Variants in RNPEP observed in about 807,000 individuals in gnomAD.
The protein encoded by RNPEP is aminopeptidase B.
In RNPEP, 57 loss-of-function variants were observed where a neutral mutation model predicts 70.1. The observed-to-expected ratio is 0.81, with a 90% CI of 0.66 to 1.01. The LOEUF is 1.01. Ranked by LOEUF, RNPEP falls within the 50% of genes least tolerant of loss-of-function variation. RNPEP has a pLI of 0.00. For synonymous variants in RNPEP, 335 were observed against 357.4 expected (o/e 0.94, Z 0.71); for missense variants, 787 against 852.4 (o/e 0.92, Z 0.96).
In RNPEP at chr1:202,005,594, A is replaced by G; in HGVS notation, c.1831A>G (p.Met611Val). 6.2e-7 allele frequency: 1 copy of G among 1,614,204 alleles called. No individual in the cohort carries two copies. ...QKYTLPLYHA[M>V]MGGSEVAQTL... ...GTATACACTTCCGCTGTACCACGCA[A>G]TGATGGGTGGCAGTGAGGTGGCCCA... Residue 611 changes from methionine (M) to valine (V), a missense_variant, in exon 11 of 11, where the codon ATG becomes GTG. Physicochemically the swap from Met to Val is conservative, Grantham distance 21. Transcript: ENST00000295640.
At chr1:202,001,950 C>G (rs1558267795) in intron 8 of RNPEP, among the ~76,000 whole-genome samples, 183 bp downstream of exon 8, 1 of 152,050 alleles carries the variant, frequency 6.6e-6, no homozygotes, top group Non-Finnish European at 1.5e-5. Flanking sequence ...TTTCACTCCT[C>G]TCTGCCTCAT....
intron 3 of RNPEP, among the ~76,000 whole-genome samples, chr1:201,990,070 C>G (rs969574786): frequency 3.9e-5 from 6 of 152,218 alleles, no homozygotes; most frequent in Non-Finnish European, 5.9e-5. Flanking sequence ...CTCTTGAACT[C>G]CTGACCTCAG....
chr1:202,001,809 G>C, intron 8 of RNPEP, 42 bp downstream of exon 8: 1 of 1,209,208 alleles, frequency 8.3e-7, no homozygotes, highest in South Asian at 1.2e-5. Flanking sequence ...AAAAATAGTA[G>C]AGAATGAGAT....
At chr1:201,996,465 TTG>T (rs71281164) in intron 4 of RNPEP, 24,190 of 232,212 alleles carry the variant, frequency 0.1, 1,001 homozygotes, top group Admixed American at 0.19. Flanking sequence ...ATGAGGTTCT[TTG>T]TGTGTGTGTG....
intron 3 of RNPEP, among the ~76,000 whole-genome samples, chr1:201,990,520 G>A (rs1238886578): frequency 1.3e-5 from 2 of 152,190 alleles, no homozygotes; most frequent in African/African-American, 4.8e-5. Flanking sequence ...CGGTGAAGCC[G>A]TGACCTTTTC....
chr1:201,983,142 C>G (rs1205313245), intron 1 of RNPEP, 29 bp downstream of exon 1: 4 of 1,437,152 alleles, frequency 2.8e-6, no homozygotes, highest in Non-Finnish European at 3.6e-6. Context: ...GCGCCCGCCG[C>G]TGCCTGCCTG....
chr1:202,004,648 A>C (rs1315943756), intron 10 of RNPEP, 152 bp downstream of exon 10: 1 of 934,362 alleles, frequency 1.1e-6, no homozygotes, highest in African/African-American at 1.7e-5. Flanking sequence ...CAGCCTCTTT[A>C]CTAGTGTGGC....
chr1:201,998,230 CTTTTTT>C (rs34549362), intron 5 of RNPEP, among the ~76,000 whole-genome samples: 4 of 116,670 alleles, frequency 3.4e-5, no homozygotes, highest in Non-Finnish European at 3.4e-5. Flanking sequence ...TGGGTCTGAA[CTTTTTT>C]TTTTTTTTTT....
intron 1 of RNPEP, among the ~76,000 whole-genome samples, chr1:201,987,494 G>A (rs938259062): frequency 1.4e-5 from 2 of 143,186 alleles, no homozygotes; most frequent in Admixed American, 7.4e-5. Context: ...CTGGAGTGCA[G>A]TGGCATGATC....
intron 4 of RNPEP, 32 bp downstream of exon 4, chr1:201,996,295 G>A (rs1683549033): frequency 7.2e-7 from 1 of 1,387,726 alleles, no homozygotes; most frequent in Non-Finnish European, 1.0e-6. Flanking sequence ...AGTGTCTCCT[G>A]TTAAACTGAG....
rs1332135708 is a variant in RNPEP, at chr1:201,989,482, C to G, written c.688C>G (p.Leu230Val). 3 of 1,614,110 alleles carry G rather than the reference C, an allele frequency of 1.9e-6. No individual in the cohort carries two copies. Among genetic ancestry groups the G allele is most frequent in the Non-Finnish European group, 8.5e-7 (1 of 1,180,044 alleles). Residue 230 changes from leucine (L) to valine (V), a missense_variant, in exon 3 of 11, where the codon CTG (leucine) becomes GTG (valine). Leu to Val is a conservative substitution (Grantham distance 32). Coordinates refer to ENST00000295640, the MANE Select transcript of RNPEP (RefSeq NM_020216.4). ...GATGTGTCAGCCCATCCCCTCCTAT[C>G]TGATAGCTTTGGCCATCGGAGATCT... ...FQMCQPIPSY[L>V]IALAIGDLVS...
Position 202,003,353 on chromosome 1 carries a change from G to A in RNPEP, c.1543G>A (p.Glu515Lys), listed in dbSNP as rs371058454. ...AEELAQLWAA[E>K]ELDMKAIEAV... ...AGAGCTAGCCCAACTGTGGGCAGCC[G>A]AGGAGCTGGACATGAAGGCCATTGA... The change falls in exon 9 of 11, where the codon GAG becomes AAG. Residue 515 changes from glutamate to lysine, a missense_variant. Coordinates refer to ENST00000295640, the MANE Select transcript of RNPEP (RefSeq NM_020216.4). 1.9e-5 allele frequency: 31 copies of A among 1,614,108 alleles called. No homozygotes were observed. The highest frequency in any genetic ancestry group is 1.6e-4 in the South Asian group (15 of 91,080).
chr1:202,004,546 G>A (rs372892602), intron 10 of RNPEP, 50 bp downstream of exon 10: 2 of 1,601,408 alleles, frequency 1.2e-6, no homozygotes, highest in South Asian at 1.1e-5. Context: ...GGACCCACTC[G>A]GCCATATGTG....
intron 9 of RNPEP, among the ~76,000 whole-genome samples, chr1:202,004,076 G>A (rs1414681310): frequency 2.6e-5 from 4 of 152,186 alleles, no homozygotes; most frequent in African/African-American, 9.7e-5. Flanking sequence ...CTGGAGTGCC[G>A]TGGTGCTATT....
chr1:202,006,029 T>C lies in RNPEP; in HGVS notation c.*313T>C, dbSNP rs985995887. 9 of 280,256 alleles carry C rather than the reference T, an allele frequency of 3.2e-5. No homozygotes were observed. The highest frequency in any genetic ancestry group is 5.3e-5 in the Non-Finnish European group (8 of 150,662). The allele number at this position is 280,256 out of a possible 1,614,324, so 17.4% of individuals were successfully genotyped here. A position where few individuals can be genotyped will look rare whatever the true frequency, so the allele number is the denominator to read the frequency against. On this transcript the variant is annotated 3_prime_UTR_variant, in exon 11 of 11. Coordinates refer to ENST00000295640, the MANE Select transcript of RNPEP (RefSeq NM_020216.4). ...AAGAAGTGGAGAGGACTGATGCTCTTCTTTTTTCTCTTTCTGTCCTTTTTC... is the reference window on the plus strand; with the variant it reads ...AAGAAGTGGAGAGGACTGATGCTCTCCTTTTTTCTCTTTCTGTCCTTTTTC...
intron 1 of RNPEP, 154 bp downstream of exon 1, chr1:201,983,267 G>T (rs1438483198): frequency 6.9e-7 from 1 of 1,441,448 alleles, no homozygotes; most frequent in East Asian, 2.5e-5. Flanking sequence ...CCGCCTCTAG[G>T]CCTCCTCCCC....
intron 3 of RNPEP, among the ~76,000 whole-genome samples, chr1:201,990,201 A>G (rs910724425): frequency 1.3e-5 from 2 of 152,104 alleles, no homozygotes; most frequent in African/African-American, 4.8e-5. Flanking sequence ...TAGCAGCTAT[A>G]TCCACTTTCC....
chr1:201,983,029 C>G lies in RNPEP; in HGVS notation c.363C>G (p.Ala121=). The G allele has an allele frequency of 1.3e-6, 2 of 1,527,416 alleles. No homozygotes were observed. Among genetic ancestry groups the G allele is most frequent in the Non-Finnish European group, 1.8e-6 (2 of 1,139,858 alleles). 94.6% of individuals were successfully genotyped at this position (1,527,416 alleles called of 1,614,324 possible). Residue 121 remains alanine, a synonymous_variant, in exon 1 of 11, where the codon GCC becomes GCG. Coordinates refer to ENST00000295640, the MANE Select transcript of RNPEP (RefSeq NM_020216.4). ...YTQPFSHYGQ[A]LCVSFPQPCR... is the part of the protein sequence containing the mutation. ...AGCCCTTCTCGCACTATGGCCAGGC[C>G]CTGTGCGTGTCCTTCCCGCAGCCCT...
At chr1:201,990,373 A>G (rs1035227118) in intron 3 of RNPEP, among the ~76,000 whole-genome samples, 44 of 152,242 alleles carry the variant, frequency 2.9e-4, no homozygotes, top group African/African-American at 9.9e-4. Context: ...GTGAAGTTAC[A>G]TGGATCTTGT....
Sources: allele counts gnomAD v4.1 joint callset (sites outside exome capture counted in the v4.1 genomes callset), GRCh38; gene constraint gnomAD v4.1.1; transcripts MANE v1.5; gene names NCBI Gene and HGNC (gene_info 2026-07-23, HGNC 2026-07-21).